Variants in ZMYND8 observed in about 807,000 individuals in gnomAD.
The protein encoded by ZMYND8 is zinc finger MYND-type containing 8, also known as MYND-type zinc finger-containing chromatin reader ZMYND8.
In ZMYND8, 37 loss-of-function variants were observed where a neutral mutation model predicts 140.8. That is an observed-to-expected ratio of 0.26 (90% CI 0.20 to 0.35). ZMYND8 has a LOEUF of 0.35. Ranked by LOEUF, ZMYND8 falls within the 10% of genes least tolerant of loss-of-function variation. The pLI is 1.00. For missense variants in ZMYND8, 1,068 were observed against 1,570.0 expected (o/e 0.68, Z 5.40); for synonymous variants, 592 against 597.1 (o/e 0.99, Z 0.12).
At chr20:47,287,496 C>A (rs543644863) in intron 7 of ZMYND8, among the ~76,000 whole-genome samples, 1 of 152,320 alleles carries the variant, frequency 6.6e-6, no homozygotes, top group East Asian at 1.9e-4. Flanking sequence ...TCGATGTCAT[C>A]TTCTCTGCAA....
chr20:47,238,487 T>G, intron 15 of ZMYND8: 1 of 551,120 alleles, frequency 1.8e-6, no homozygotes, highest in South Asian at 2.1e-5. Context: ...GATAACAGAC[T>G]TTTATGTAAA....
intron 2 of ZMYND8, chr20:47,319,988 T>C (rs987356653): frequency 2.0e-5 from 3 of 152,190 alleles, no homozygotes; most frequent in Non-Finnish European, 4.4e-5. Flanking sequence ...ACATTGTGGC[T>C]GGCTGAGGAG....
chr20:47,332,933 C>T (rs2081070697), intron 2 of ZMYND8, among the ~76,000 whole-genome samples: 4 of 152,104 alleles, frequency 2.6e-5, no homozygotes, highest in Admixed American at 6.5e-5. Context: ...CATAGATAAA[C>T]AAAGTGTAGC....
chr20:47,258,364 T>C (rs1016446644), intron 12 of ZMYND8, among the ~76,000 whole-genome samples: 1 of 152,258 alleles, frequency 6.6e-6, no homozygotes, highest in Admixed American at 6.5e-5. Context: ...CTGTGAAACA[T>C]AGATATTACC....
intron 12 of ZMYND8, among the ~76,000 whole-genome samples, chr20:47,253,022 G>A (rs1601292963): frequency 1.3e-5 from 2 of 152,358 alleles, no homozygotes; most frequent in East Asian, 3.9e-4. Flanking sequence ...AGATGGGTGT[G>A]GATGTGTTCC....
At chr20:47,331,163 A>G (rs947338864) in intron 2 of ZMYND8, among the ~76,000 whole-genome samples, 4 of 152,226 alleles carry the variant, frequency 2.6e-5, no homozygotes, top group Non-Finnish European at 5.9e-5. Context: ...AGGGTTTTGC[A>G]ATTATGAATC....
At chr20:47,276,910 T>TAAAAAAA in intron 10 of ZMYND8, 115 bp from the exon 11 acceptor site, 1 of 514,872 alleles carries the variant, frequency 1.9e-6, no homozygotes, top group South Asian at 7.6e-5. Flanking sequence ...CTTATTCTAT[T>TAAAAAAA]AAAAAAAAAA....
intron 14 of ZMYND8, among the ~76,000 whole-genome samples, chr20:47,241,583 G>A (rs1477965532): frequency 6.6e-6 from 1 of 152,026 alleles, no homozygotes; most frequent in African/African-American, 2.4e-5. Context: ...AGGGAGGTTA[G>A]AGCCAGAAGC....
At chr20:47,271,811 A>C (rs2075963869) in intron 11 of ZMYND8, among the ~76,000 whole-genome samples, 1 of 152,074 alleles carries the variant, frequency 6.6e-6, no homozygotes, top group African/African-American at 2.4e-5. Flanking sequence ...CCTCCTGTGT[A>C]GTTGGGACTG....
At chr20:47,337,645 G>T (rs1238968910) in intron 2 of ZMYND8, among the ~76,000 whole-genome samples, 1 of 152,156 alleles carries the variant, frequency 6.6e-6, no homozygotes, top group Non-Finnish European at 1.5e-5. Flanking sequence ...AAAATTAAAT[G>T]AAGTAATTTG....
At chr20:47,258,839 G>A (rs758279452) in intron 12 of ZMYND8, among the ~76,000 whole-genome samples, 30 of 151,984 alleles carry the variant, frequency 2.0e-4, no homozygotes, top group Admixed American at 1.5e-3. Context: ...CACTTCCATC[G>A]GTCCCTAGCT....
At chr20:47,305,826 T>C (rs948514024) in intron 3 of ZMYND8, among the ~76,000 whole-genome samples, 10 of 152,186 alleles carry the variant, frequency 6.6e-5, no homozygotes, top group Non-Finnish European at 1.2e-4. Context: ...AACAGGATGT[T>C]TGAACTCAAA....
At chr20:47,342,918 G>A (rs572390555) in intron 2 of ZMYND8, among the ~76,000 whole-genome samples, 8 of 151,878 alleles carry the variant, frequency 5.3e-5, no homozygotes, top group Admixed American at 4.6e-4. Flanking sequence ...TAGGGCTGAG[G>A]CAAAGACATA....
chr20:47,327,688 T>C (rs1240807862), intron 2 of ZMYND8, among the ~76,000 whole-genome samples: 1 of 152,070 alleles, frequency 6.6e-6, no homozygotes, highest in African/African-American at 2.4e-5. Context: ...TCCCTCCACA[T>C]AGGGCCCCCT....
chr20:47,263,042 T>C (rs2075269105), intron 11 of ZMYND8, among the ~76,000 whole-genome samples: 2 of 152,254 alleles, frequency 1.3e-5, no homozygotes, highest in Non-Finnish European at 2.9e-5. Flanking sequence ...ACTGTACCTA[T>C]GCCTAAGGCT....
intron 2 of ZMYND8, among the ~76,000 whole-genome samples, chr20:47,331,406 C>G (rs953327082): frequency 1.3e-5 from 2 of 152,180 alleles, no homozygotes; most frequent in Non-Finnish European, 2.9e-5. Flanking sequence ...GAGTCCATAT[C>G]TCTGGGGGTG....
At chr20:47,247,780 A>T (rs746792032) in intron 13 of ZMYND8, among the ~76,000 whole-genome samples, 2 of 152,218 alleles carry the variant, frequency 1.3e-5, no homozygotes, top group Non-Finnish European at 2.9e-5. Context: ...CAGCTGGATC[A>T]TTGGGGAATG....
chr20:47,326,317 G>T (rs2148406040), intron 2 of ZMYND8, among the ~76,000 whole-genome samples: 1 of 152,210 alleles, frequency 6.6e-6, no homozygotes, highest in South Asian at 2.1e-4. Context: ...GCCCAGGCTG[G>T]TCTCGAACTC....
At chr20:47,345,787 G>C (rs2148580801) in intron 2 of ZMYND8, among the ~76,000 whole-genome samples, 1 of 151,160 alleles carries the variant, frequency 6.6e-6, no homozygotes, top group Non-Finnish European at 1.5e-5. Flanking sequence ...AAGATTACAG[G>C]CGTGAGCCAA....
Sources: gnomAD v4.1 joint callset for allele counts (sites outside exome capture counted in the v4.1 genomes callset) on GRCh38, gnomAD v4.1.1 for gene constraint, MANE v1.5 for transcripts, NCBI Gene and HGNC (gene_info 2026-07-23, HGNC 2026-07-21) for gene names.